The following CLMN variants were observed in gnomAD, a reference collection of about 807,000 sequenced individuals.
CLMN encodes calmin (calponin-like, transmembrane).
In CLMN, 57 loss-of-function variants were observed where a neutral mutation model predicts 92.7. The ratio of observed to expected loss-of-function variants is 0.61; its 90% confidence interval spans 0.50 to 0.77. The LOEUF is 0.77. Among genes scored for constraint, CLMN ranks in the 30% least tolerant of loss-of-function variants. The probability of loss-of-function intolerance (pLI) is 0.00; values close to 1 mark genes in which losing one functional copy is unlikely to be tolerated. For synonymous variants in CLMN, 466 were observed against 470.6 expected (o/e 0.99, Z 0.13); for missense variants, 1,158 against 1,237.5 (o/e 0.94, Z 0.96).
chr14:95,315,420 G>C (rs76564750), intron 1 of CLMN, among the ~76,000 whole-genome samples: 7,086 of 152,274 alleles, frequency 0.047, 786 homozygotes, highest in East Asian at 0.45. Flanking sequence ...GGTGGCTTTA[G>C]CAACAACATG....
At chr14:95,253,623 T>C (rs1319377025) in intron 1 of CLMN, among the ~76,000 whole-genome samples, 1 of 151,244 alleles carries the variant, frequency 6.6e-6, no homozygotes, top group Non-Finnish European at 1.5e-5. Flanking sequence ...TTTTGTTTTT[T>C]TTTTTTTGAG....
intron 8 of CLMN, among the ~76,000 whole-genome samples, chr14:95,208,544 T>G (rs191618324): frequency 9.2e-5 from 14 of 152,316 alleles, no homozygotes; most frequent in African/African-American, 3.4e-4. Flanking sequence ...CCATCTGACA[T>G]GTAAAAAATC....
At chr14:95,209,889 G>C (rs923019973) in intron 7 of CLMN, among the ~76,000 whole-genome samples, 1 of 152,168 alleles carries the variant, frequency 6.6e-6, no homozygotes, top group Admixed American at 6.5e-5. Flanking sequence ...AACAGGTATG[G>C]GCTCTCCCCC....
chr14:95,281,610 T>C (rs1332869526), intron 1 of CLMN, among the ~76,000 whole-genome samples: 2 of 152,204 alleles, frequency 1.3e-5, no homozygotes, highest in East Asian at 3.8e-4. Context: ...AAAATCTAGA[T>C]TGATTTTCTA....
At chr14:95,291,794 G>A (rs2140760129) in intron 1 of CLMN, among the ~76,000 whole-genome samples, 1 of 152,344 alleles carries the variant, frequency 6.6e-6, no homozygotes, top group South Asian at 2.1e-4. Context: ...AGCTGGAGAA[G>A]CCGTGGATGG....
chr14:95,243,991 G>C (rs929394237), intron 1 of CLMN, among the ~76,000 whole-genome samples: 1 of 152,088 alleles, frequency 6.6e-6, no homozygotes, highest in African/African-American at 2.4e-5. Flanking sequence ...GTTCTCACGA[G>C]ATCTGGTTGT....
chr14:95,224,459 T>G (rs965555500), intron 2 of CLMN, among the ~76,000 whole-genome samples: 1 of 151,872 alleles, frequency 6.6e-6, no homozygotes, highest in African/African-American at 2.4e-5. Flanking sequence ...ATTTTTGTGG[T>G]TTTAGTAGAG....
chr14:95,220,934 G>T (rs1897518404), intron 4 of CLMN, among the ~76,000 whole-genome samples: 1 of 152,230 alleles, frequency 6.6e-6, no homozygotes, highest in South Asian at 2.1e-4. Context: ...TTCTGTCCCT[G>T]ATTCGCTGGT....
At chr14:95,196,155 G>A (rs1426580819) in intron 10 of CLMN, among the ~76,000 whole-genome samples, 1 of 152,184 alleles carries the variant, frequency 6.6e-6, no homozygotes, top group Non-Finnish European at 1.5e-5. Context: ...TTGTCTGGGG[G>A]CCAGAAGGCA....
chr14:95,256,379 G>A lies in CLMN; in HGVS notation c.83-26246C>T, dbSNP rs1898999645. On this transcript the variant is annotated intron_variant, in intron 1 of 12. Coordinates refer to ENST00000298912, the MANE Select transcript of CLMN (RefSeq NM_024734.4). This position sits in a 1 kb window ranked among gnomAD's most constrained non-coding sequence, Gnocchi z 4.9. ...TTGTCAGCAACAATGAATCTTGGCT[G>A]AGGAAATTGCTACCAACGACACTGT... Among the ~76,000 whole-genome samples the A allele has an allele frequency of 3.3e-5, 5 of 152,230 alleles. No individual in the cohort carries two copies. Among genetic ancestry groups the A allele is most frequent in the Admixed American group, 2.6e-4 (4 of 15,288 alleles).
chr14:95,300,445 C>T (rs1331550535), intron 1 of CLMN, among the ~76,000 whole-genome samples: 2 of 152,222 alleles, frequency 1.3e-5, no homozygotes, highest in Non-Finnish European at 2.9e-5. Flanking sequence ...AATCCAGAAC[C>T]TGCCTCCAAC....
chr14:95,247,111 C>G (rs887261713), intron 1 of CLMN, among the ~76,000 whole-genome samples: 3 of 135,248 alleles, frequency 2.2e-5, no homozygotes, highest in African/African-American at 6.5e-5. Context: ...AGTGTGGGAC[C>G]CAGCAGTGTG....
intron 2 of CLMN, among the ~76,000 whole-genome samples, chr14:95,229,325 G>A (rs1897809688): frequency 6.6e-6 from 1 of 152,146 alleles, no homozygotes; most frequent in South Asian, 2.1e-4. Flanking sequence ...TCTGTTTCAA[G>A]TGGGGAGCTG....
At chr14:95,293,751 C>T (rs1302946134) in intron 1 of CLMN, among the ~76,000 whole-genome samples, 1 of 151,688 alleles carries the variant, frequency 6.6e-6, no homozygotes, top group African/African-American at 2.4e-5. Flanking sequence ...AACACATCCC[C>T]TGGCTGAGCT....
At chr14:95,286,951 T>C (rs1231953968) in intron 1 of CLMN, among the ~76,000 whole-genome samples, 1 of 152,160 alleles carries the variant, frequency 6.6e-6, no homozygotes, top group South Asian at 2.1e-4. Flanking sequence ...GCATCTATGA[T>C]TTGGGAGGGA....
chr14:95,212,786 C>CT lies in CLMN; in HGVS notation c.608+432dup, dbSNP rs143791120. On this transcript the variant is annotated intron_variant, in intron 6 of 12. Transcript: ENST00000298912. ...ATGCAGGGTTTCCTGTTCTGACATT[C>CT]TTTTTTTTTTTTTTTTTGAGATGTT... 1.0e-2 allele frequency among the ~76,000 whole-genome samples: 1,371 copies of CT among 137,210 alleles called. 13 individuals carry two copies. The highest frequency in any genetic ancestry group is 0.014 in the Non-Finnish European group (917 of 63,714). 90.0% of individuals were successfully genotyped at this position (137,210 alleles called of 152,430 possible).
chr14:95,294,466 G>T lies in CLMN; in HGVS notation c.82+25245C>A, dbSNP rs144121946. On this transcript the variant is annotated intron_variant, in intron 1 of 12. Transcript: ENST00000298912. The surrounding 1 kb of genome is among the most constrained non-coding windows in gnomAD (Gnocchi z 4.2). ...ACCCAGTCTGGGCCAAGAGGCATCC[G>T]CGGGGAAGGATCCTGTCCAACAGAA... 6.6e-6 allele frequency among the ~76,000 whole-genome samples: 1 copy of T among 152,194 alleles called. No homozygotes were observed. Among genetic ancestry groups the T allele is most frequent in the Non-Finnish European group, 1.5e-5 (1 of 68,040 alleles).
chr14:95,282,795 C>G (rs1481535917), intron 1 of CLMN, among the ~76,000 whole-genome samples: 1 of 152,266 alleles, frequency 6.6e-6, no homozygotes, highest in African/African-American at 2.4e-5. Context: ...GTTCTAAAGC[C>G]TCCCTGCTCC....
At chr14:95,265,225 A>C (rs1566903543) in intron 1 of CLMN, among the ~76,000 whole-genome samples, 1 of 150,862 alleles carries the variant, frequency 6.6e-6, no homozygotes, top group Admixed American at 6.6e-5. Flanking sequence ...TGGGTGAAAG[A>C]GTGAGACTCT....
Sources: allele counts gnomAD v4.1 joint callset (sites outside exome capture counted in the v4.1 genomes callset), GRCh38; gene constraint gnomAD v4.1.1; non-coding constraint Gnocchi (gnomAD v3.1); transcripts MANE v1.5; gene names NCBI Gene and HGNC (gene_info 2026-07-23, HGNC 2026-07-21).